The following HLCS variants were observed in gnomAD, a reference collection of about 807,000 sequenced individuals.
The protein encoded by HLCS is biotin--protein ligase.
In HLCS, 53 loss-of-function variants were observed where a neutral mutation model predicts 75.0. The ratio of observed to expected loss-of-function variants is 0.71; its 90% CI spans 0.57 to 0.89. The LOEUF is 0.89. Ranked by LOEUF, HLCS falls within the 40% of genes least tolerant of loss-of-function variation. The probability of loss-of-function intolerance (pLI) is 0.00; values close to 1 mark genes in which losing one functional copy is unlikely to be tolerated. For missense variants in HLCS, 966 were observed against 1,074.0 expected (o/e 0.90, Z 1.41); for synonymous variants, 431 against 428.6 (o/e 1.01, Z -0.07).
Position 36,937,000 on chromosome 21 carries a change from C to A in HLCS, c.886G>T (p.Glu296Ter), listed in dbSNP as rs760029192. The A allele has an allele frequency of 6.2e-7, 1 of 1,613,978 alleles. No homozygotes were observed. Among genetic ancestry groups the A allele is most frequent in the Admixed American group, 1.7e-5 (1 of 59,988 alleles). The part of the protein sequence containing the change: ...LESVADETSP[E>*]REGRRVNLTG... ...AGGTTGACTCTCCTCCCTTCTCTTT[C>A]GGGGGAGGTCTCATCAGCAACACTC... Residue 296 changes from glutamate (E) to a stop codon, truncating the protein, a stop_gained, in exon 4 of 11, where the codon GAA becomes TAA. Coordinates refer to ENST00000674895, the MANE Select transcript of HLCS (RefSeq NM_001352514.2). LOFTEE classifies it high-confidence loss of function.
chr21:36,773,780 G>A (rs1266636027), intron 6 of HLCS, among the ~76,000 whole-genome samples: 1 of 152,146 alleles, frequency 6.6e-6, no homozygotes, highest in Non-Finnish European at 1.5e-5. Context: ...TTTTAAAAAA[G>A]CTGACTGGAA....
chr21:36,856,210 A>G (rs1443772213), intron 6 of HLCS, among the ~76,000 whole-genome samples: 4 of 152,244 alleles, frequency 2.6e-5, no homozygotes, highest in Non-Finnish European at 5.9e-5. Flanking sequence ...GTATGCTTTA[A>G]GTGGTTGAAT....
In HLCS at chr21:36,754,237, C is replaced by T. The variant is rs1266806159; in HGVS notation, c.*9G>A. 22 of 1,576,480 alleles carry T rather than the reference C, an allele frequency of 1.4e-5. No individual in the cohort carries two copies. The highest frequency in any genetic ancestry group is 5.1e-5 in the Admixed American group (3 of 59,296). ...CGGACAGGCAGCCGCGTCTCGGGGACGCCCGGCATTACCGCCGTTTGGGGA... is the reference window on the plus strand; with the variant it reads ...CGGACAGGCAGCCGCGTCTCGGGGATGCCCGGCATTACCGCCGTTTGGGGA... On this transcript the variant is annotated 3_prime_UTR_variant, in exon 11 of 11. Coordinates refer to ENST00000674895, the MANE Select transcript of HLCS (RefSeq NM_001352514.2).
In HLCS at chr21:36,937,300, G is replaced by C; in HGVS notation, c.586C>G (p.Leu196Val). 6.2e-7 allele frequency: 1 copy of C among 1,614,164 alleles called. No individual in the cohort carries two copies. Among genetic ancestry groups the C allele is most frequent in the Non-Finnish European group, 8.5e-7 (1 of 1,180,026 alleles). The change falls in exon 4 of 11, where the codon CTT becomes GTT. Residue 196 changes from leucine (L) to valine (V), a missense_variant. By Grantham distance (32) the Leu-to-Val change is conservative. Coordinates refer to ENST00000674895, the MANE Select transcript of HLCS (RefSeq NM_001352514.2). Reference sequence around the variant, plus strand: ...CCGTCCTGCTCAGGCTTAATCTCAAGAGAAGGTTCAGGCTTCGGCTCTAGG... The same window carrying C: ...CCGTCCTGCTCAGGCTTAATCTCAACAGAAGGTTCAGGCTTCGGCTCTAGG... ...QILEPKPEPSLEIKPEQDGME... is the reference protein window; with the variant it reads ...QILEPKPEPSVEIKPEQDGME...
intron 2 of HLCS, among the ~76,000 whole-genome samples, chr21:36,946,526 G>A (rs913633864): frequency 6.6e-6 from 1 of 152,082 alleles, no homozygotes; most frequent in African/African-American, 2.4e-5. Context: ...ACAGGTGTGA[G>A]CCACCATGTC....
chr21:36,947,231 A>G, intron 2 of HLCS: 1 of 467,912 alleles, frequency 2.1e-6, no homozygotes, highest in Non-Finnish European at 2.8e-6. Flanking sequence ...AAGAGGAATG[A>G]GGCAGGAGAT....
intron 6 of HLCS, among the ~76,000 whole-genome samples, chr21:36,882,114 C>G (rs1164675747): frequency 1.3e-5 from 2 of 151,946 alleles, no homozygotes; most frequent in Admixed American, 1.3e-4. Context: ...AACCCCGTCT[C>G]TACTAAAAAT....
At position 36,748,925 on chromosome 21, in the gene HLCS, G is replaced by A. The variant is rs972925836; in HGVS notation, c.*5321C>T. On this transcript the variant is annotated 3_prime_UTR_variant, in exon 11 of 11. Coordinates refer to ENST00000674895, the MANE Select transcript of HLCS (RefSeq NM_001352514.2). Reference sequence around the variant, plus strand: ...TGGCAAAATCCCTCTGGCCCACACAGATCTGTAATTCACTAGGCTCGTGTT... The same window carrying A: ...TGGCAAAATCCCTCTGGCCCACACAAATCTGTAATTCACTAGGCTCGTGTT... 2 of 152,618 alleles carry A rather than the reference G, an allele frequency of 1.3e-5. No individual in the cohort carries two copies. Among genetic ancestry groups the A allele is most frequent in the East Asian group, 3.8e-4 (2 of 5,200 alleles). 9.5% of individuals were successfully genotyped at this position (152,618 alleles called of 1,614,324 possible). A position where few individuals can be genotyped will look rare whatever the true frequency, so the allele number is the denominator to read the frequency against.
At chr21:36,976,387 G>A (rs2068937595) in intron 1 of HLCS, among the ~76,000 whole-genome samples, 1 of 147,534 alleles carries the variant, frequency 6.8e-6, no homozygotes, top group Non-Finnish European at 1.5e-5. Flanking sequence ...TTTTAAGGAA[G>A]TCAGTCACAC....
chr21:36,820,370 G>GGATT, intron 6 of HLCS, among the ~76,000 whole-genome samples: 1 of 152,222 alleles, frequency 6.6e-6, no homozygotes, highest in Non-Finnish European at 1.5e-5. Context: ...CCCAGCCACG[G>GGATT]CCGGGCCGCC....
At position 36,957,047 on chromosome 21, in the gene HLCS, C is replaced by T. The variant is rs1272558917; in HGVS notation, c.330+4989G>A. Among the ~76,000 whole-genome samples, 76 of 95,980 alleles carry T rather than the reference C, an allele frequency of 7.9e-4. 1 individual carries two copies. Among genetic ancestry groups the T allele is most frequent in the African/African-American group, 2.9e-3 (74 of 25,292 alleles). 63.0% of individuals were successfully genotyped at this position (95,980 alleles called of 152,430 possible). ...CAGCCTGGACAACAGAGCCAGACTCCGTCTCAAAAAAAAAAAAAAAAAAAG... is the reference window on the plus strand; with the variant it reads ...CAGCCTGGACAACAGAGCCAGACTCTGTCTCAAAAAAAAAAAAAAAAAAAG... On this transcript the variant is annotated intron_variant, in intron 2 of 10. Transcript: ENST00000674895.
intron 6 of HLCS, among the ~76,000 whole-genome samples, chr21:36,772,841 C>T (rs970619763): frequency 3.3e-5 from 5 of 151,784 alleles, no homozygotes; most frequent in Non-Finnish European, 7.4e-5. Context: ...ATTAGCTGGG[C>T]ATGGTGGCGC....
chr21:36,913,698 T>G (rs955615677), intron 5 of HLCS, among the ~76,000 whole-genome samples: 1 of 151,894 alleles, frequency 6.6e-6, no homozygotes, highest in Non-Finnish European at 1.5e-5. Flanking sequence ...GAAGTGAAGG[T>G]TGCAGTGAGC....
intron 6 of HLCS, among the ~76,000 whole-genome samples, chr21:36,853,379 C>T (rs536811409): frequency 6.6e-6 from 1 of 152,232 alleles, no homozygotes; most frequent in East Asian, 1.9e-4. Flanking sequence ...ATCCTGGAAG[C>T]GTAAAAACCT....
rs926349320 is a variant in HLCS at position 36,749,215 on chromosome 21, T to C, written c.*5031A>G. ...ACTTTTTATGGGTTTTGCTTAAAGA[T>C]CTCAACATGGAAAAATCCTGTCATG... is the stretch of plus-strand genomic sequence containing the variant. On this transcript the variant is annotated 3_prime_UTR_variant, in exon 11 of 11. Coordinates refer to ENST00000674895, the MANE Select transcript of HLCS (RefSeq NM_001352514.2). 4.6e-5 allele frequency: 7 copies of C among 152,632 alleles called. No homozygotes were observed. The highest frequency in any genetic ancestry group is 1.7e-4 in the African/African-American group (7 of 41,450). The allele number at this position is 152,632 out of a possible 1,614,324, so 9.5% of individuals were successfully genotyped here. A position where few individuals can be genotyped will look rare whatever the true frequency, so the allele number is the denominator to read the frequency against.
chr21:36,884,378 A>G (rs1265645624), intron 6 of HLCS, among the ~76,000 whole-genome samples: 1 of 152,242 alleles, frequency 6.6e-6, no homozygotes, highest in Non-Finnish European at 1.5e-5. Context: ...CCAGTAGCCA[A>G]TGAAGCTCCA....
intron 5 of HLCS, among the ~76,000 whole-genome samples, chr21:36,928,479 A>C (rs1322315798): frequency 6.6e-6 from 1 of 152,120 alleles, no homozygotes; most frequent in Non-Finnish European, 1.5e-5. Flanking sequence ...CTGAGGTGGG[A>C]GGATCGCTTG....
chr21:36,832,883 A>G lies in HLCS; in HGVS notation c.1892+63977T>C, dbSNP rs577076678. Among the ~76,000 whole-genome samples, 20 of 152,326 alleles carry G rather than the reference A, an allele frequency of 1.3e-4. No homozygotes were observed. In the South Asian group the frequency reaches 4.1e-3, roughly 32 times the overall value. On this transcript the variant is annotated intron_variant, in intron 6 of 10. Coordinates refer to ENST00000674895, the MANE Select transcript of HLCS (RefSeq NM_001352514.2). Reference sequence around the variant, plus strand: ...TTCAAAGGGTTGTAAGGAGCCTCAGATGCACAGCTGCCTTCTCTAGCACCA... The same window carrying G: ...TTCAAAGGGTTGTAAGGAGCCTCAGGTGCACAGCTGCCTTCTCTAGCACCA...
chr21:36,821,088 AC>A (rs1460619171), intron 6 of HLCS, among the ~76,000 whole-genome samples: 2 of 152,178 alleles, frequency 1.3e-5, no homozygotes, highest in Non-Finnish European at 2.9e-5. Flanking sequence ...GGAAGGAACC[AC>A]GTGTTCATCT....
Sources: gnomAD v4.1 joint callset for allele counts (sites outside exome capture counted in the v4.1 genomes callset) on GRCh38, gnomAD v4.1.1 for gene constraint, MANE v1.5 for transcripts, NCBI Gene and HGNC (gene_info 2026-07-23, HGNC 2026-07-21) for gene names.